The following LAMC1 variants were observed in gnomAD, a reference collection of about 807,000 sequenced individuals.
LAMC1 encodes laminin subunit gamma-1.
In LAMC1, 38 loss-of-function variants were observed where a neutral mutation model predicts 173.6. The observed-to-expected ratio is 0.22, with a 90% CI of 0.17 to 0.29. LAMC1 has a LOEUF of 0.29. Among genes scored for constraint, LAMC1 ranks in the 10% least tolerant of loss-of-function variants. LAMC1 has a pLI of 1.00. For synonymous variants in LAMC1, 746 were observed against 749.1 expected (o/e 1.00, Z 0.07); for missense variants, 1,824 against 2,051.8 (o/e 0.89, Z 2.14).
chr1:183,045,749 AGTGATC>A (rs1286652092), intron 1 of LAMC1, among the ~76,000 whole-genome samples: 1 of 152,016 alleles, frequency 6.6e-6, no homozygotes, highest in Non-Finnish European at 1.5e-5. Context: ...TGTTTCCCAG[AGTGATC>A]GTGCTAGTTT....
intron 1 of LAMC1, among the ~76,000 whole-genome samples, chr1:183,087,680 G>A (rs756594372): frequency 6.6e-6 from 1 of 152,108 alleles, no homozygotes; most frequent in African/African-American, 2.4e-5. Flanking sequence ...GAACTTAGGG[G>A]ATCTGTTCCT....
chr1:183,098,312 A>C (rs943705123), intron 1 of LAMC1, among the ~76,000 whole-genome samples: 1 of 152,212 alleles, frequency 6.6e-6, no homozygotes, highest in African/African-American at 2.4e-5. Context: ...TTCTGGTTGT[A>C]GTTAATTCCA....
chr1:183,081,665 T>C (rs1440577323), intron 1 of LAMC1, among the ~76,000 whole-genome samples: 1 of 152,162 alleles, frequency 6.6e-6, no homozygotes, highest in Non-Finnish European at 1.5e-5. Context: ...GTCCCACATA[T>C]TTCCTTCCTG....
At chr1:183,076,378 G>A (rs1229229906) in intron 1 of LAMC1, among the ~76,000 whole-genome samples, 2 of 152,176 alleles carry the variant, frequency 1.3e-5, no homozygotes, top group Non-Finnish European at 2.9e-5. Context: ...TTAATTGTTA[G>A]CAGTAAGGAA....
intron 13 of LAMC1, among the ~76,000 whole-genome samples, chr1:183,122,748 G>A: frequency 6.6e-6 from 1 of 152,126 alleles, no homozygotes; most frequent in South Asian, 2.1e-4. Context: ...GGAGCTCACA[G>A]AGAAGGAGGA....
At chr1:183,044,520 T>TTGA (rs1427027948) in intron 1 of LAMC1, among the ~76,000 whole-genome samples, 1 of 152,108 alleles carries the variant, frequency 6.6e-6, no homozygotes, top group Non-Finnish European at 1.5e-5. Context: ...TTTGGCTCTT[T>TTGA]TGATGAATCA....
chr1:183,050,825 A>G (rs1157060906), intron 1 of LAMC1, among the ~76,000 whole-genome samples: 1 of 141,360 alleles, frequency 7.1e-6, no homozygotes, highest in Admixed American at 7.6e-5. Flanking sequence ...TGGGAGGTGG[A>G]GGTTGCAATG....
In LAMC1 at chr1:183,117,509, G is replaced by A. The variant is rs145417821; in HGVS notation, c.1688-25G>A. The A allele has an allele frequency of 1.2e-4, 190 of 1,612,274 alleles. No homozygotes were observed. The African/African-American group carries it at 2.1e-3, about 18-fold the overall frequency. The stretch of plus-strand genomic sequence containing the variant: ...TGTTTAGTCTCAGTCTCACATTCTT[G>A]CCCACCATTGTGTCTGTATTCCAGC... On this transcript the variant is annotated intron_variant, in intron 9 of 27. Transcript: ENST00000258341.
intron 25 of LAMC1, 133 bp downstream of exon 25, chr1:183,136,718 GT>G: frequency 1.4e-6 from 1 of 696,278 alleles, no homozygotes; most frequent in South Asian, 2.1e-5. Flanking sequence ...AACCATATTT[GT>G]CTTTTTTTTT....
intron 1 of LAMC1, among the ~76,000 whole-genome samples, chr1:183,054,312 A>T (rs1654524877): frequency 6.6e-6 from 1 of 152,216 alleles, no homozygotes; most frequent in South Asian, 2.1e-4. Flanking sequence ...CATAGAAGCC[A>T]CACAGCTATT....
At chr1:183,083,519 T>G (rs1289495518) in intron 1 of LAMC1, among the ~76,000 whole-genome samples, 1 of 152,242 alleles carries the variant, frequency 6.6e-6, no homozygotes, top group East Asian at 1.9e-4. Flanking sequence ...CAGAATCCCA[T>G]TTGGGCTACC....
chr1:183,041,308 G>A, intron 1 of LAMC1, among the ~76,000 whole-genome samples: 1 of 152,174 alleles, frequency 6.6e-6, no homozygotes, highest in East Asian at 1.9e-4. Flanking sequence ...CTCCCACCGT[G>A]TGGGTACTAC....
At chr1:183,042,609 C>A (rs1463216522) in intron 1 of LAMC1, among the ~76,000 whole-genome samples, 1 of 152,166 alleles carries the variant, frequency 6.6e-6, no homozygotes, top group African/African-American at 2.4e-5. Flanking sequence ...GGTTCCCATT[C>A]TGTGGCTGGC....
rs1558059895 is a variant in LAMC1 at position 183,133,401 on chromosome 1, CTT to C, written c.3705-4_3705-3del. 1 of 1,611,034 alleles carries C rather than the reference CTT, an allele frequency of 6.2e-7. No individual in the cohort carries two copies. The highest frequency in any genetic ancestry group is 1.7e-5 in the Admixed American group (1 of 59,862). On this transcript the variant is annotated splice_polypyrimidine_tract_variant and splice_region_variant and intron_variant, in intron 21 of 27. Transcript: ENST00000258341. The stretch of plus-strand genomic sequence containing the variant: ...TGTCATTAAACCACATTATTTGTGT[CTT>C]AGGTATGAACAAGCGAAGAACATCT...
At chr1:183,102,066 C>G (rs1038558060) in intron 1 of LAMC1, among the ~76,000 whole-genome samples, 7 of 152,174 alleles carry the variant, frequency 4.6e-5, no homozygotes, top group Non-Finnish European at 1.0e-4. Flanking sequence ...AGGCAGAGCC[C>G]CACTGTGTTG....
chr1:183,122,829 G>A (rs779232813), intron 13 of LAMC1, among the ~76,000 whole-genome samples: 13 of 152,060 alleles, frequency 8.5e-5, no homozygotes, highest in Middle Eastern at 3.2e-3. Context: ...CCTCAAATCC[G>A]TCATTGATGA....
chr1:183,114,683 A>G lies in LAMC1; in HGVS notation c.1174A>G (p.Asn392Asp). ...AGAGAACTTCTTCCGCCTTGGCAAC[A>G]ATGAAGCCTGCTCTTCATGCCACTG... is the stretch of plus-strand genomic sequence containing the variant. ...CRENFFRLGN[N>D]EACSSCHCSP... Residue 392 changes from asparagine (N) to aspartate (D), a missense_variant, in exon 5 of 28, where the codon AAT becomes GAT. Transcript: ENST00000258341. The G allele has an allele frequency of 6.2e-7, 1 of 1,614,220 alleles. No individual in the cohort carries two copies. Among genetic ancestry groups the G allele is most frequent in the Non-Finnish European group, 8.5e-7 (1 of 1,180,054 alleles).
At chr1:183,075,586 A>G (rs1465219271) in intron 1 of LAMC1, among the ~76,000 whole-genome samples, 1 of 152,204 alleles carries the variant, frequency 6.6e-6, no homozygotes, top group Non-Finnish European at 1.5e-5. Flanking sequence ...GTATAGTAAT[A>G]TATGTATTAC....
At chr1:183,142,418 C>T (rs528350007) in intron 27 of LAMC1, 116 bp from the exon 28 acceptor site, 27 of 1,068,722 alleles carry the variant, frequency 2.5e-5, no homozygotes, top group African/African-American at 2.4e-4. Context: ...TCACATTTGC[C>T]GGGCTGCCTG....
Sources: allele counts gnomAD v4.1 joint callset (sites outside exome capture counted in the v4.1 genomes callset), GRCh38; gene constraint gnomAD v4.1.1; transcripts MANE v1.5; gene names NCBI Gene and HGNC (gene_info 2026-07-23, HGNC 2026-07-21).